The following DCAF1 variants were observed in gnomAD, a reference collection of about 807,000 sequenced individuals.
The protein encoded by DCAF1 is DDB1- and CUL4-associated factor 1.
In DCAF1, 15 loss-of-function variants were observed where a neutral mutation model predicts 128.0. The ratio of observed to expected loss-of-function variants is 0.12; its 90% CI spans 0.08 to 0.18. DCAF1 has a LOEUF of 0.18. Among genes scored for constraint, DCAF1 ranks in the 10% least tolerant of loss-of-function variants. The probability of loss-of-function intolerance (pLI) is 1.00; values close to 1 mark genes in which losing one functional copy is unlikely to be tolerated. For synonymous variants in DCAF1, 610 were observed against 603.0 expected (o/e 1.01, Z -0.17); for missense variants, 988 against 1,649.5 (o/e 0.60, Z 6.95).
intron 6 of DCAF1, among the ~76,000 whole-genome samples, chr3:51,453,951 C>CA (rs200483134): frequency 0.077 from 9,945 of 129,446 alleles, 841 homozygotes; most frequent in East Asian, 0.35. Flanking sequence ...GACTCCATCT[C>CA]AAAAAAAAAA....
chr3:51,411,810 G>GA (rs1233396812), intron 23 of DCAF1, among the ~76,000 whole-genome samples: 4 of 152,024 alleles, frequency 2.6e-5, no homozygotes, highest in African/African-American at 9.7e-5. Context: ...ATCTCTGAAT[G>GA]AAAATCAGAG....
chr3:51,428,058 A>C (rs530385863), intron 12 of DCAF1, among the ~76,000 whole-genome samples: 9 of 152,334 alleles, frequency 5.9e-5, no homozygotes, highest in Non-Finnish European at 1.0e-4. Flanking sequence ...TAGATTGCTT[A>C]ATCTTTTATC....
At chr3:51,453,377 C>T (rs1702547697) in intron 6 of DCAF1, among the ~76,000 whole-genome samples, 1 of 152,094 alleles carries the variant, frequency 6.6e-6, no homozygotes, top group Non-Finnish European at 1.5e-5. Flanking sequence ...CCTATAATCC[C>T]AGCACTTTGG....
chr3:51,422,664 T>C (rs1337252986), intron 13 of DCAF1, among the ~76,000 whole-genome samples: 1 of 152,156 alleles, frequency 6.6e-6, no homozygotes, highest in Non-Finnish European at 1.5e-5. Flanking sequence ...ACTTCTATGA[T>C]AAAAAACATA....
intron 9 of DCAF1, among the ~76,000 whole-genome samples, chr3:51,437,643 G>GT (rs781942597): frequency 2.6e-5 from 4 of 152,026 alleles, no homozygotes; most frequent in Admixed American, 6.6e-5. Flanking sequence ...ATGAAACCCG[G>GT]TCTCTACCAA....
rs542826628 is a variant in DCAF1, at chr3:51,488,337, C to T, written c.-8-4501G>A. Among the ~76,000 whole-genome samples the T allele has an allele frequency of 2.0e-5, 3 of 152,282 alleles. No individual in the cohort carries two copies. In the South Asian group the frequency reaches 6.2e-4, roughly 32 times the overall value. On this transcript the variant is annotated intron_variant, in intron 2 of 24. Coordinates refer to ENST00000684031, the MANE Select transcript of DCAF1 (RefSeq NM_001387579.1). ...GCCTGATGTCCTTTATGACTGCAGA[C>T]ATAAAAATCCTCAACAAAATACTAG...
intron 9 of DCAF1, chr3:51,436,442 C>G (rs189647894): frequency 1.9e-6 from 1 of 520,046 alleles, no homozygotes; most frequent in Non-Finnish European, 3.8e-6. Flanking sequence ...AATTATGACA[C>G]TGAGCCATGT....
intron 6 of DCAF1, among the ~76,000 whole-genome samples, chr3:51,457,891 C>T (rs536614392): frequency 6.6e-6 from 1 of 152,170 alleles, no homozygotes; most frequent in African/African-American, 2.4e-5. Flanking sequence ...CCAGGCCTGC[C>T]TTACAAGAGC....
chr3:51,407,713 C>G (rs2356261), intron 23 of DCAF1, among the ~76,000 whole-genome samples: 1 of 152,002 alleles, frequency 6.6e-6, no homozygotes, highest in African/African-American at 2.4e-5. Context: ...CCAGGTTGGG[C>G]GCGGTGGCTC....
intron 5 of DCAF1, among the ~76,000 whole-genome samples, chr3:51,464,015 C>T (rs1429408512): frequency 6.6e-6 from 1 of 151,876 alleles, no homozygotes; most frequent in Non-Finnish European, 1.5e-5. Context: ...CCACCATGTC[C>T]ATCTAATTTT....
intron 6 of DCAF1, among the ~76,000 whole-genome samples, chr3:51,451,525 C>T (rs1702350101): frequency 6.6e-6 from 1 of 151,884 alleles, no homozygotes; most frequent in Non-Finnish European, 1.5e-5. Context: ...CTATGGGAGG[C>T]CAAGACGGGT....
chr3:51,438,134 T>C (rs1235881484), intron 9 of DCAF1: 8 of 392,676 alleles, frequency 2.0e-5, no homozygotes, highest in African/African-American at 1.5e-4. Context: ...TATGCATTTT[T>C]TTTTAACTGT....
At chr3:51,406,922 A>G (rs2090155873) in intron 23 of DCAF1, among the ~76,000 whole-genome samples, 1 of 152,196 alleles carries the variant, frequency 6.6e-6, no homozygotes, top group Non-Finnish European at 1.5e-5. Context: ...GGCTGGGCGC[A>G]GTGGCTCACA....
At chr3:51,492,157 A>G (rs946471145) in intron 2 of DCAF1, among the ~76,000 whole-genome samples, 15 of 143,176 alleles carry the variant, frequency 1.0e-4, no homozygotes, top group Non-Finnish European at 1.8e-4. Flanking sequence ...GACCCGTCTC[A>G]AAAAAAAAAA....
chr3:51,443,757 A>G lies in DCAF1; in HGVS notation c.513+9T>C, dbSNP rs1351261615. 2 of 1,589,894 alleles carry G rather than the reference A, an allele frequency of 1.3e-6. No individual in the cohort carries two copies. Among genetic ancestry groups the G allele is most frequent in the South Asian group, 2.3e-5 (2 of 85,818 alleles). On this transcript the variant is annotated intron_variant, in intron 7 of 24. Transcript: ENST00000684031. The stretch of plus-strand genomic sequence containing the variant: ...TTTATATAAAAATTTATTCTAACAC[A>G]GTCCTTACCAGCTGTGAATTTTCAT...
At chr3:51,423,559 G>A (rs1355560201) in intron 13 of DCAF1, among the ~76,000 whole-genome samples, 5 of 150,160 alleles carry the variant, frequency 3.3e-5, no homozygotes, top group African/African-American at 4.9e-5. Flanking sequence ...GGCTCACGCC[G>A]GTAATCACAA....
At chr3:51,483,609 T>TTGTGTG (rs57475291) in intron 3 of DCAF1, 110 bp downstream of exon 3, 44,580 of 472,982 alleles carry the variant, frequency 0.094, 1,290 homozygotes, top group Middle Eastern at 0.1. Context: ...TTAAACTAGT[T>TTGTGTG]TGTGTGTGTG....
Position 51,470,211 on chromosome 3 carries a change from G to A in DCAF1, c.187+718C>T, listed in dbSNP as rs557571716. Among the ~76,000 whole-genome samples, 45 of 152,174 alleles carry A rather than the reference G, an allele frequency of 3.0e-4. 1 individual carries two copies. The highest frequency in any genetic ancestry group is 9.4e-4 in the African/African-American group (39 of 41,516). ...ACAGTAAAAGGATAATTATTTAGAG[G>A]ATAATTATTATTAGAAAGATGAAGG... is the stretch of plus-strand genomic sequence containing the variant. On this transcript the variant is annotated intron_variant, in intron 4 of 24. Coordinates refer to ENST00000684031, the MANE Select transcript of DCAF1 (RefSeq NM_001387579.1).
At chr3:51,483,930 G>C (rs1387825454) in intron 2 of DCAF1, 94 bp from the exon 3 acceptor site, 2 of 872,260 alleles carry the variant, frequency 2.3e-6, no homozygotes, top group Non-Finnish European at 1.9e-6. Flanking sequence ...GAGAAGGCAA[G>C]AGAAAAAATT....
Sources: allele counts gnomAD v4.1 joint callset (sites outside exome capture counted in the v4.1 genomes callset), GRCh38; gene constraint gnomAD v4.1.1; transcripts MANE v1.5; gene names NCBI Gene and HGNC (gene_info 2026-07-23, HGNC 2026-07-21).